The following UNC13C variants were observed in gnomAD, a reference collection of about 807,000 sequenced individuals.
UNC13C encodes protein unc-13 homolog C.
In UNC13C, 174 loss-of-function variants were observed where a neutral mutation model predicts 245.4. The observed-to-expected ratio is 0.71, with a 90% confidence interval of 0.63 to 0.80. The LOEUF is 0.80. Among genes scored for constraint, UNC13C ranks in the 30% least tolerant of loss-of-function variants. UNC13C has a pLI of 0.00. For synonymous variants in UNC13C, 992 were observed against 895.1 expected, an observed-to-expected ratio of 1.11 and a Z score of -1.93; for missense variants, 2,829 against 2,602.9, an observed-to-expected ratio of 1.09 and a Z score of -1.89.
chr15:54,512,945 G>A (rs909522776), intron 24 of UNC13C, among the ~76,000 whole-genome samples: 1 of 152,024 alleles, frequency 6.6e-6, no homozygotes, highest in Non-Finnish European at 1.5e-5. Context: ...TTCTGCAATG[G>A]TGAAGCACTA....
intron 19 of UNC13C, among the ~76,000 whole-genome samples, chr15:54,438,499 A>G (rs1407576281): frequency 6.6e-6 from 1 of 151,996 alleles, no homozygotes; most frequent in African/African-American, 2.4e-5. Context: ...AGTCAACATA[A>G]GGAGTCCTCT....
At chr15:54,251,433 G>A (rs1245616146) in intron 8 of UNC13C, among the ~76,000 whole-genome samples, 1 of 152,134 alleles carries the variant, frequency 6.6e-6, no homozygotes, top group Admixed American at 6.6e-5. Flanking sequence ...CCTGGCACAC[G>A]GTAGATGCTC....
chr15:54,191,337 G>T (rs2034174063), intron 4 of UNC13C, among the ~76,000 whole-genome samples: 1 of 152,118 alleles, frequency 6.6e-6, no homozygotes, highest in African/African-American at 2.4e-5. Flanking sequence ...TGCTGAGAAT[G>T]ATAGTTTCCA....
rs536317371 is a variant in UNC13C, at chr15:54,409,688, G to A, written c.4848-5294G>A. 4.6e-5 allele frequency among the ~76,000 whole-genome samples: 7 copies of A among 152,232 alleles called. No homozygotes were observed. The South Asian group carries it at 6.2e-4, about 14-fold the overall frequency. On this transcript the variant is annotated intron_variant, in intron 18 of 32. Transcript: ENST00000260323. Reference sequence around the variant, plus strand: ...ACTGATGACCTCCAACTCCATCCACGTTGCTGCAAAGGACATGATTTTATT... The same window carrying A: ...ACTGATGACCTCCAACTCCATCCACATTGCTGCAAAGGACATGATTTTATT...
intron 10 of UNC13C, among the ~76,000 whole-genome samples, chr15:54,286,925 A>G (rs1204623697): frequency 6.6e-6 from 1 of 152,188 alleles, no homozygotes; most frequent in Non-Finnish European, 1.5e-5. Context: ...AACAATGAAA[A>G]CATTTAAAAT....
At chr15:54,303,587 C>T (rs934044981) in intron 13 of UNC13C, among the ~76,000 whole-genome samples, 2 of 149,102 alleles carry the variant, frequency 1.3e-5, no homozygotes, top group African/African-American at 4.9e-5. Flanking sequence ...TATAATGTAA[C>T]TCTTGCCTCT....
chr15:54,381,849 T>C (rs2039731755), intron 17 of UNC13C, among the ~76,000 whole-genome samples: 1 of 152,172 alleles, frequency 6.6e-6, no homozygotes, highest in African/African-American at 2.4e-5. Context: ...ACAGATCTTC[T>C]GGACAGAAAA....
intron 2 of UNC13C, among the ~76,000 whole-genome samples, chr15:54,096,805 TA>T (rs2141146528): frequency 6.6e-6 from 1 of 152,176 alleles, no homozygotes; most frequent in Non-Finnish European, 1.5e-5. Flanking sequence ...TAGGGAAAAA[TA>T]AAAAGAAAAA....
chr15:54,552,470 A>T (rs12899194), intron 28 of UNC13C, among the ~76,000 whole-genome samples: 3 of 404 alleles, frequency 7.4e-3, no homozygotes, highest in Admixed American at 0.05. Context: ...ATATATTACA[A>T]TATATAATAT....
rs759219393 is a variant in UNC13C, at chr15:54,014,863, C to G, written c.1960C>G (p.Leu654Val). The G allele has an allele frequency of 8.1e-6, 13 of 1,613,896 alleles. No individual in the cohort carries two copies. The East Asian group carries it at 2.9e-4, about 36-fold the overall frequency. The change falls in exon 2 of 33, where the codon CTT (leucine) becomes GTT (valine). Residue 654 changes from leucine (L) to valine (V), a missense_variant. Physicochemically the swap from Leu to Val is conservative, Grantham distance 32. Transcript: ENST00000260323. ...TTCTCAGCTCTCTTTACATGAGGAT[C>G]TTTCTCCATGGAAGGAATGGAATCA... The part of the protein sequence containing the change: ...SDSQLSLHED[L>V]SPWKEWNQGA...
intron 13 of UNC13C, among the ~76,000 whole-genome samples, chr15:54,312,641 G>A (rs1414362679): frequency 1.3e-5 from 2 of 151,700 alleles, no homozygotes; most frequent in African/African-American, 4.8e-5. Flanking sequence ...TAGAATCTTG[G>A]GAGTTTTATG....
chr15:54,525,316 T>C (rs751735171), intron 24 of UNC13C, among the ~76,000 whole-genome samples: 7 of 152,110 alleles, frequency 4.6e-5, no homozygotes, highest in Non-Finnish European at 8.8e-5. Flanking sequence ...TAGCTGTTAC[T>C]TGTATGCATG....
chr15:54,100,696 A>G (rs976964626), intron 2 of UNC13C, among the ~76,000 whole-genome samples: 24 of 152,160 alleles, frequency 1.6e-4, no homozygotes, highest in African/African-American at 4.8e-4. Flanking sequence ...TCTCAAAAAA[A>G]AAAATAGCTG....
intron 4 of UNC13C, among the ~76,000 whole-genome samples, chr15:54,195,259 T>G (rs897805628): frequency 1.3e-5 from 2 of 152,192 alleles, no homozygotes; most frequent in African/African-American, 4.8e-5. Context: ...GAGCCAGGTT[T>G]ATGCCCTACA....
chr15:54,246,653 TAGA>T (rs1209618291), intron 7 of UNC13C, among the ~76,000 whole-genome samples: 2 of 150,556 alleles, frequency 1.3e-5, no homozygotes, highest in African/African-American at 2.4e-5. Flanking sequence ...TGCAAAGTTG[TAGA>T]AGATTTGTAA....
chr15:54,402,196 C>A (rs1180252460), intron 18 of UNC13C, among the ~76,000 whole-genome samples: 1 of 151,924 alleles, frequency 6.6e-6, no homozygotes, highest in African/African-American at 2.4e-5. Flanking sequence ...ACCCACAGAT[C>A]TGTTGTAAAA....
chr15:54,455,205 C>CTCTCTCTCTCTCTATATATA (rs1388065398), intron 19 of UNC13C, among the ~76,000 whole-genome samples: 3 of 18,962 alleles, frequency 1.6e-4, no homozygotes, highest in African/African-American at 1.9e-4. Flanking sequence ...CTCTCTCTCT[C>CTCTCTCTCTCTCTATATATA]TATATATATA....
chr15:54,268,059 C>T (rs941953954), intron 10 of UNC13C, among the ~76,000 whole-genome samples: 1 of 151,900 alleles, frequency 6.6e-6, no homozygotes, highest in African/African-American at 2.4e-5. Flanking sequence ...AACCCATCAT[C>T]TAGGTTTTAA....
At chr15:54,431,943 C>T (rs575903165) in intron 19 of UNC13C, among the ~76,000 whole-genome samples, 1 of 151,644 alleles carries the variant, frequency 6.6e-6, no homozygotes, top group South Asian at 2.1e-4. Flanking sequence ...ATTCTAATTA[C>T]CCTAATTTGA....
Sources: gnomAD v4.1 joint callset for allele counts (sites outside exome capture counted in the v4.1 genomes callset) on GRCh38, gnomAD v4.1.1 for gene constraint, MANE v1.5 for transcripts, NCBI Gene and HGNC (gene_info 2026-07-23, HGNC 2026-07-21) for gene names.